Variants in ENPEP observed in about 807,000 individuals in gnomAD.
ENPEP encodes glutamyl aminopeptidase.
ENPEP carries 103 observed loss-of-function variants against 114.5 expected under a neutral mutation model. That is an observed-to-expected ratio of 0.90 (90% CI 0.77 to 1.06). The LOEUF (loss-of-function observed/expected upper bound fraction) is 1.06, where lower values mean the gene tolerates loss of function less well. ENPEP is among the 50% of genes least tolerant of loss of function. The pLI, the probability that ENPEP is intolerant of heterozygous loss-of-function variation, is 0.00. For missense variants in ENPEP, 1,196 were observed against 1,161.3 expected (o/e 1.03, Z -0.43); for synonymous variants, 420 against 422.0 (o/e 1.00, Z 0.06).
At chr4:110,556,433 G>T (rs1727474919) in intron 18 of ENPEP, among the ~76,000 whole-genome samples, 2 of 151,940 alleles carry the variant, frequency 1.3e-5, no homozygotes, top group South Asian at 4.1e-4. Context: ...ATGTCTTTAA[G>T]TGTGCATCTT....
intron 1 of ENPEP, among the ~76,000 whole-genome samples, chr4:110,484,107 G>A (rs1423556226): frequency 6.6e-6 from 1 of 152,158 alleles, no homozygotes; most frequent in Admixed American, 6.5e-5. Context: ...GATTGTGAAA[G>A]TGCTATGTCA....
At chr4:110,511,586 T>C (rs150691859) in intron 6 of ENPEP, among the ~76,000 whole-genome samples, 84 of 152,296 alleles carry the variant, frequency 5.5e-4, no homozygotes, top group African/African-American at 2.0e-3. Context: ...CTGAGGCCCT[T>C]ATAGCAAACT....
At chr4:110,519,063 C>G (rs1312941312) in intron 8 of ENPEP, 2 of 455,568 alleles carry the variant, frequency 4.4e-6, no homozygotes, top group Non-Finnish European at 8.8e-6. Context: ...CTGCTTCTCC[C>G]TTCCTTTGCC....
chr4:110,547,847 A>G (rs896197439), intron 13 of ENPEP, among the ~76,000 whole-genome samples: 2 of 152,030 alleles, frequency 1.3e-5, no homozygotes, highest in African/African-American at 4.8e-5. Flanking sequence ...CTAAAATTTA[A>G]AAGTTTCTAT....
rs1727766256 is a variant in ENPEP at position 110,564,438 on chromosome 4, G to C, written c.*2880G>C. 1 of 152,156 alleles carries C rather than the reference G, an allele frequency of 6.6e-6. No homozygotes were observed. The highest frequency in any genetic ancestry group is 2.1e-4 in the South Asian group (1 of 4,826). The allele number at this position is 152,156 out of a possible 1,614,324, so 9.4% of individuals were successfully genotyped here. A position where few individuals can be genotyped will look rare whatever the true frequency, so the allele number is the denominator to read the frequency against. ...CATCTATAAAGTAAGGATCAAAATA[G>C]TAGCTACCTCAATGGTAGTTGTGAG... On this transcript the variant is annotated 3_prime_UTR_variant, in exon 20 of 20. Transcript: ENST00000265162.
chr4:110,493,541 A>G (rs1008443319), intron 3 of ENPEP, among the ~76,000 whole-genome samples: 1 of 152,172 alleles, frequency 6.6e-6, no homozygotes, highest in Non-Finnish European at 1.5e-5. Context: ...CAACCCTTCC[A>G]TAGAAGACAG....
At position 110,506,745 on chromosome 4, in the gene ENPEP, C is replaced by T; in HGVS notation, c.1027C>T (p.Leu343Phe). Residue 343 changes from leucine to phenylalanine, a missense_variant, in exon 4 of 20, where the codon CTT (leucine) becomes TTT (phenylalanine). Physicochemically the swap from Leu to Phe is conservative, Grantham distance 22 (BLOSUM62 0). Coordinates refer to ENST00000265162, the MANE Select transcript of ENPEP (RefSeq NM_001977.4). ...AGAATACTTTGCTATGAATTATTCTCTTCCTAAATTAGGTGAGGATCATTT... is the reference window on the plus strand; with the variant it reads ...AGAATACTTTGCTATGAATTATTCTTTTCCTAAATTAGGTGAGGATCATTT... Reference protein sequence around the residue: ...FEEYFAMNYSLPKLDKIAIPD... With the variant: ...FEEYFAMNYSFPKLDKIAIPD... 5.7e-6 allele frequency: 9 copies of T among 1,574,978 alleles called. No homozygotes were observed. The highest frequency in any genetic ancestry group is 1.4e-5 in the African/African-American group (1 of 73,914).
chr4:110,508,904 C>T (rs59343041), intron 4 of ENPEP, among the ~76,000 whole-genome samples: 20,170 of 152,246 alleles, frequency 0.13, 1,433 homozygotes, highest in Middle Eastern at 0.3. Flanking sequence ...TTCTGTGCCT[C>T]ATTTAAATTA....
chr4:110,508,289 T>A (rs72666195), intron 4 of ENPEP, among the ~76,000 whole-genome samples: 6,854 of 121,926 alleles, frequency 0.056, 213 homozygotes, highest in South Asian at 0.12. Context: ...AAAAAAAAAA[T>A]GAGATTGCAA....
intron 4 of ENPEP, 127 bp downstream of exon 4, chr4:110,506,884 C>G: frequency 1.1e-6 from 1 of 903,126 alleles, no homozygotes; most frequent in Non-Finnish European, 1.6e-6. Flanking sequence ...TCTATGCCGA[C>G]AATATCTTGG....
At chr4:110,503,326 G>A (rs1033642245) in intron 3 of ENPEP, among the ~76,000 whole-genome samples, 6 of 152,110 alleles carry the variant, frequency 3.9e-5, no homozygotes, top group African/African-American at 1.4e-4. Flanking sequence ...CTATTCTGCT[G>A]TTAATAATTG....
At chr4:110,477,676 A>C (rs941273002) in intron 1 of ENPEP, among the ~76,000 whole-genome samples, 3 of 152,156 alleles carry the variant, frequency 2.0e-5, no homozygotes, top group African/African-American at 7.2e-5. Context: ...GCTTTCAGGA[A>C]ATATTCATTG....
chr4:110,498,730 T>C (rs574542244), intron 3 of ENPEP, among the ~76,000 whole-genome samples: 3 of 152,270 alleles, frequency 2.0e-5, no homozygotes, highest in Non-Finnish European at 4.4e-5. Flanking sequence ...ACGGGCAGTC[T>C]GTTTAAGCTG....
chr4:110,543,647 AT>A (rs543425408), intron 13 of ENPEP, among the ~76,000 whole-genome samples: 18 of 148,886 alleles, frequency 1.2e-4, no homozygotes, highest in Non-Finnish European at 2.1e-4. Flanking sequence ...TGGTACCTCT[AT>A]TTTTTTTTTA....
At chr4:110,551,018 C>G (rs1003898751) in intron 17 of ENPEP, among the ~76,000 whole-genome samples, 18 of 151,208 alleles carry the variant, frequency 1.2e-4, no homozygotes, top group Admixed American at 6.6e-5. Context: ...CTTTGGGAGG[C>G]CGAGGCAGGA....
chr4:110,520,670 T>C (rs1294118610), intron 10 of ENPEP, among the ~76,000 whole-genome samples: 1 of 152,130 alleles, frequency 6.6e-6, no homozygotes, highest in African/African-American at 2.4e-5. Context: ...CACAGAGTTC[T>C]GAAGAAGTAA....
In ENPEP at chr4:110,491,098, G is replaced by A. The variant is rs776672991; in HGVS notation, c.852G>A (p.Thr284=). The change falls in exon 3 of 20, where the codon ACG becomes ACA. Residue 284 remains threonine, a synonymous_variant. Transcript: ENST00000265162. ...TTFEKSVPMS[T]YLVCFAVHQF... is the part of the protein sequence containing the mutation. ...TTGAGAAGTCTGTCCCCATGAGCAC[G>A]TACCTGGTGTGCTTTGCTGTACATC... 11 of 1,612,366 alleles carry A rather than the reference G, an allele frequency of 6.8e-6. No individual in the cohort carries two copies. In the South Asian group the frequency reaches 7.7e-5, roughly 11 times the overall value.
At chr4:110,546,589 G>A (rs1462494624) in intron 13 of ENPEP, among the ~76,000 whole-genome samples, 2 of 151,920 alleles carry the variant, frequency 1.3e-5, no homozygotes, top group African/African-American at 4.8e-5. Context: ...TGGCTCCAAG[G>A]ATATGCAAGG....
rs1381181737 is a variant in ENPEP at position 110,561,981 on chromosome 4, A to G, written c.*423A>G. ...AAATACCAGTACTTGAGGGACCAAT[A>G]TTACCATCTTAATCTTTATTTTATT... is the stretch of plus-strand genomic sequence containing the variant. On this transcript the variant is annotated 3_prime_UTR_variant, in exon 20 of 20. Transcript: ENST00000265162. The G allele has an allele frequency of 6.5e-6, 1 of 154,562 alleles. No homozygotes were observed. The highest frequency in any genetic ancestry group is 2.4e-5 in the African/African-American group (1 of 41,452). 9.6% of individuals were successfully genotyped at this position (154,562 alleles called of 1,614,324 possible).
Sources: gnomAD v4.1 joint callset for allele counts (sites outside exome capture counted in the v4.1 genomes callset) on GRCh38, gnomAD v4.1.1 for gene constraint, MANE v1.5 for transcripts, NCBI Gene and HGNC (gene_info 2026-07-23, HGNC 2026-07-21) for gene names.